GRIN2A: variants seen among roughly 807,000 people sequenced by gnomAD.
GRIN2A encodes glutamate receptor ionotropic, NMDA 2A.
GRIN2A carries 22 observed loss-of-function variants against 113.4 expected under a neutral mutation model. The observed-to-expected ratio is 0.19, with a 90% confidence interval of 0.14 to 0.28. The LOEUF (loss-of-function observed/expected upper bound fraction) is 0.28, where lower values mean the gene tolerates loss of function less well. Ranked by LOEUF, GRIN2A falls within the 10% of genes least tolerant of loss-of-function variation. The probability of loss-of-function intolerance (pLI) is 1.00; values close to 1 mark genes in which losing one functional copy is unlikely to be tolerated. For missense variants in GRIN2A, 1,502 were observed against 1,887.0 expected (o/e 0.80, Z 3.78); for synonymous variants, 827 against 738.4 (o/e 1.12, Z -1.94).
At chr16:10,101,040 C>A (rs1363335249) in intron 2 of GRIN2A, among the ~76,000 whole-genome samples, 3 of 152,234 alleles carry the variant, frequency 2.0e-5, no homozygotes, top group African/African-American at 7.2e-5. Context: ...CGCTTTTGAG[C>A]TGAGGTCACA....
At chr16:9,813,093 C>G (rs1245288872) in intron 10 of GRIN2A, among the ~76,000 whole-genome samples, 2 of 152,220 alleles carry the variant, frequency 1.3e-5, no homozygotes, top group Non-Finnish European at 2.9e-5. Flanking sequence ...ATAACCGTAT[C>G]AGCAACCTTT....
intron 4 of GRIN2A, among the ~76,000 whole-genome samples, chr16:9,887,589 G>A (rs1054639191): frequency 2.6e-5 from 4 of 152,160 alleles, no homozygotes; most frequent in Non-Finnish European, 5.9e-5. Flanking sequence ...GATGGACATT[G>A]AATTATTTCT....
At chr16:10,132,819 C>T (rs945149236) in intron 2 of GRIN2A, among the ~76,000 whole-genome samples, 1 of 152,190 alleles carries the variant, frequency 6.6e-6, no homozygotes, top group Non-Finnish European at 1.5e-5. Context: ...TAACAAATTG[C>T]CATAAAGTTA....
intron 2 of GRIN2A, among the ~76,000 whole-genome samples, chr16:10,170,058 G>C (rs1262705942): frequency 6.6e-6 from 1 of 152,178 alleles, no homozygotes; most frequent in African/African-American, 2.4e-5. Context: ...AATCACCCTA[G>C]ATATGGGATA....
intron 11 of GRIN2A, among the ~76,000 whole-genome samples, chr16:9,785,399 T>C (rs1408084717): frequency 7.9e-6 from 1 of 126,096 alleles, no homozygotes; most frequent in African/African-American, 3.1e-5. Flanking sequence ...TGAGATCACA[T>C]GGACACAGGA....
intron 2 of GRIN2A, among the ~76,000 whole-genome samples, chr16:10,137,938 G>A (rs2049235217): frequency 6.6e-6 from 1 of 152,184 alleles, no homozygotes; most frequent in African/African-American, 2.4e-5. Flanking sequence ...CCAGCTCCTT[G>A]AGATAATGGG....
intron 8 of GRIN2A, among the ~76,000 whole-genome samples, chr16:9,830,279 A>G (rs992126346): frequency 1.3e-5 from 2 of 152,220 alleles, no homozygotes; most frequent in African/African-American, 4.8e-5. Context: ...GGGTCATGGA[A>G]AATGAACACT....
chr16:10,125,666 C>CG (rs372024612), intron 2 of GRIN2A, among the ~76,000 whole-genome samples: 1 of 151,606 alleles, frequency 6.6e-6, no homozygotes, highest in Non-Finnish European at 1.5e-5. Context: ...CCGAGTCTCC[C>CG]CTCCCTGGCT....
intron 11 of GRIN2A, 60 bp from the exon 12 acceptor site, chr16:9,769,149 G>C: frequency 7.6e-7 from 1 of 1,323,424 alleles, no homozygotes; most frequent in Non-Finnish European, 1.1e-6. Context: ...TGGGGCAGAC[G>C]CTTCTGGGTT....
rs918203515 is a variant in GRIN2A at position 9,759,952 on chromosome 16, C to T, written c.*3197G>A. The T allele has an allele frequency of 7.8e-5, 18 of 230,742 alleles. No individual in the cohort carries two copies. Among genetic ancestry groups the T allele is most frequent in the Non-Finnish European group, 9.4e-5 (11 of 116,632 alleles). The allele number at this position is 230,742 out of a possible 1,614,324, so 14.3% of individuals were successfully genotyped here. ...GAGTATTTTAAATTGGTTGCATGTGCGTGCTATTACCCATGGACAGAGACC... is the reference window on the plus strand; with the variant it reads ...GAGTATTTTAAATTGGTTGCATGTGTGTGCTATTACCCATGGACAGAGACC... On this transcript the variant is annotated 3_prime_UTR_variant, in exon 13 of 13. Coordinates refer to ENST00000330684, the MANE Select transcript of GRIN2A (RefSeq NM_001134407.3).
At chr16:10,128,265 G>A (rs145852873) in intron 2 of GRIN2A, among the ~76,000 whole-genome samples, 20 of 152,266 alleles carry the variant, frequency 1.3e-4, no homozygotes, top group Admixed American at 9.2e-4. Context: ...AGCCGTGGGT[G>A]CAACAGCTTG....
chr16:10,143,618 G>A (rs1354784631), intron 2 of GRIN2A, among the ~76,000 whole-genome samples: 5 of 152,096 alleles, frequency 3.3e-5, no homozygotes, highest in Non-Finnish European at 7.4e-5. Context: ...TCTGAGATTT[G>A]CATTAAAATA....
chr16:9,970,500 T>C (rs368681989), intron 2 of GRIN2A, among the ~76,000 whole-genome samples: 18 of 152,178 alleles, frequency 1.2e-4, no homozygotes, highest in Non-Finnish European at 2.2e-4. Context: ...AAAGATACGA[T>C]AGATCTGCTA....
rs953526600 is a variant in GRIN2A, at chr16:9,757,298, A to G, written c.*5851T>C. On this transcript the variant is annotated 3_prime_UTR_variant, in exon 13 of 13. Transcript: ENST00000330684. The stretch of plus-strand genomic sequence containing the variant: ...ATTATTTGAAGATTAAAATAAATCA[A>G]CTGCATTTCCGGGACCACTAACTCT... The G allele has an allele frequency of 2.7e-5, 6 of 219,270 alleles. No homozygotes were observed. The highest frequency in any genetic ancestry group is 6.7e-5 in the African/African-American group (3 of 44,582). The allele number at this position is 219,270 out of a possible 1,614,324, so 13.6% of individuals were successfully genotyped here.
chr16:10,135,410 T>C (rs376522356), intron 2 of GRIN2A, among the ~76,000 whole-genome samples: 1 of 152,244 alleles, frequency 6.6e-6, no homozygotes, highest in African/African-American at 2.4e-5. Context: ...GAAACAGAAC[T>C]GTTAGCATTC....
intron 2 of GRIN2A, among the ~76,000 whole-genome samples, chr16:10,058,316 CA>C (rs901731948): frequency 2.0e-5 from 3 of 150,824 alleles, no homozygotes; most frequent in East Asian, 1.9e-4. Context: ...AACAAAGAAA[CA>C]AAAAAACCGC....
chr16:10,058,843 G>A (rs191404433), intron 2 of GRIN2A, among the ~76,000 whole-genome samples: 3 of 152,208 alleles, frequency 2.0e-5, no homozygotes, highest in South Asian at 4.1e-4. Context: ...GACAGATGTG[G>A]TGTCTTCCCT....
intron 2 of GRIN2A, among the ~76,000 whole-genome samples, chr16:10,010,531 A>T (rs2046485947): frequency 6.6e-6 from 1 of 152,232 alleles, no homozygotes; most frequent in Non-Finnish European, 1.5e-5. Context: ...CCTACCTGTA[A>T]AAATGTTGTA....
chr16:9,952,995 G>A (rs568670326), intron 2 of GRIN2A, among the ~76,000 whole-genome samples: 18 of 152,216 alleles, frequency 1.2e-4, no homozygotes, highest in African/African-American at 2.2e-4. Context: ...TTTTAGCAGC[G>A]GTGTGACATG....
Sources: allele counts gnomAD v4.1 joint callset (sites outside exome capture counted in the v4.1 genomes callset), GRCh38; gene constraint gnomAD v4.1.1; transcripts MANE v1.5; gene names NCBI Gene and HGNC (gene_info 2026-07-23, HGNC 2026-07-21).